The following ANKRD45 variants were observed in gnomAD, a reference collection of about 807,000 sequenced individuals.
The protein encoded by ANKRD45 is ankyrin repeat domain 45.
A neutral mutation model predicts 28.1 loss-of-function variants in ANKRD45; 21 were observed. The observed-to-expected ratio is 0.75, with a 90% confidence interval of 0.53 to 1.08. The LOEUF (loss-of-function observed/expected upper bound fraction) is 1.08. Ranked by LOEUF, ANKRD45 falls within the 50% of genes least tolerant of loss-of-function variation. The pLI is 0.00. For synonymous variants in ANKRD45, 86 were observed against 103.9 expected (o/e 0.83, Z 1.05); for missense variants, 261 against 308.7 (o/e 0.85, Z 1.16).
At chr1:173,652,002 C>T (rs577009342) in intron 2 of ANKRD45, among the ~76,000 whole-genome samples, 11 of 152,208 alleles carry the variant, frequency 7.2e-5, no homozygotes, top group Admixed American at 2.0e-4. Flanking sequence ...GGGGCTGAAA[C>T]GATGGGGTTT....
At chr1:173,613,400 G>T (rs896242805) in intron 5 of ANKRD45, among the ~76,000 whole-genome samples, 4 of 150,544 alleles carry the variant, frequency 2.7e-5, no homozygotes, top group African/African-American at 9.8e-5. Context: ...CCTGGCAGCT[G>T]CCCCGTCTGG....
intron 2 of ANKRD45, among the ~76,000 whole-genome samples, chr1:173,651,735 T>C (rs1451182697): frequency 6.6e-6 from 1 of 152,226 alleles, no homozygotes; most frequent in African/African-American, 2.4e-5. Context: ...GAGCATGGAA[T>C]GTTCTTCCAT....
chr1:173,702,566 G>C, the ANKRD45 span, among the ~76,000 whole-genome samples: 1 of 152,060 alleles, frequency 6.6e-6, no homozygotes, highest in Non-Finnish European at 1.5e-5. Flanking sequence ...AGCTTTAGGT[G>C]AATGTGGCAA....
At chr1:173,620,572 G>T (rs1174551126) in intron 5 of ANKRD45, among the ~76,000 whole-genome samples, 1 of 152,014 alleles carries the variant, frequency 6.6e-6, no homozygotes, top group East Asian at 1.9e-4. Context: ...GACACAGGAA[G>T]GGGAACATCA....
chr1:173,677,984 A>G, the ANKRD45 span, among the ~76,000 whole-genome samples: 3 of 152,220 alleles, frequency 2.0e-5, no homozygotes, highest in Admixed American at 2.0e-4. Context: ...GGCCACAACA[A>G]ACAGAACTGT....
chr1:173,713,899 G>A, the ANKRD45 span, among the ~76,000 whole-genome samples: 1 of 152,076 alleles, frequency 6.6e-6, no homozygotes. Context: ...TTTTCCACTC[G>A]ATGTTGTGTA....
chr1:173,710,017 T>G, the ANKRD45 span, among the ~76,000 whole-genome samples: 1 of 152,220 alleles, frequency 6.6e-6, no homozygotes, highest in African/African-American at 2.4e-5. Context: ...AATTTTATAC[T>G]GTCTGTCTCC....
the ANKRD45 span, among the ~76,000 whole-genome samples, chr1:173,704,025 T>C: frequency 6.6e-6 from 1 of 152,224 alleles, no homozygotes; most frequent in African/African-American, 2.4e-5. Flanking sequence ...CAGGGTTATG[T>C]TGTAACTTAA....
At chr1:173,615,679 T>C (rs1229639057) in intron 5 of ANKRD45, among the ~76,000 whole-genome samples, 1 of 152,204 alleles carries the variant, frequency 6.6e-6, no homozygotes, top group Non-Finnish European at 1.5e-5. Flanking sequence ...GAAATCAGTT[T>C]ATAACTCAGC....
the ANKRD45 span, among the ~76,000 whole-genome samples, chr1:173,691,220 T>C: frequency 1.6e-4 from 25 of 152,208 alleles, no homozygotes; most frequent in African/African-American, 6.0e-4. Flanking sequence ...TTAAGCTAGG[T>C]TGCTGGCCAG....
At chr1:173,613,918 T>A (rs1249155278) in intron 5 of ANKRD45, among the ~76,000 whole-genome samples, 1 of 152,260 alleles carries the variant, frequency 6.6e-6, no homozygotes, top group Non-Finnish European at 1.5e-5. Context: ...CATTTTGTTC[T>A]GTACTAAGAA....
intron 5 of ANKRD45, chr1:173,612,747 C>T (rs953628124): frequency 1.7e-4 from 27 of 155,966 alleles, no homozygotes; most frequent in African/African-American, 6.0e-4. Context: ...CGCGCCGCCA[C>T]GCCTGACTGG....
intron 4 of ANKRD45, among the ~76,000 whole-genome samples, chr1:173,626,597 C>T (rs1376065612): frequency 6.6e-6 from 1 of 152,158 alleles, no homozygotes. Flanking sequence ...ACTATTAATA[C>T]AGCTTCTGTC....
In ANKRD45 at chr1:173,609,993, G is replaced by C; in HGVS notation, c.*152C>G. On this transcript the variant is annotated 3_prime_UTR_variant, in exon 6 of 6. Transcript: ENST00000333279. The stretch of plus-strand genomic sequence containing the variant: ...AGGCGAGGCCAGAGTCCGGACATAA[G>C]CATGCTGAACAGGTCAAACAAAACA... 1 of 743,886 alleles carries C rather than the reference G, an allele frequency of 1.3e-6. No homozygotes were observed. Among genetic ancestry groups the C allele is most frequent in the Non-Finnish European group, 2.2e-6 (1 of 450,614 alleles). The allele number at this position is 743,886 out of a possible 1,614,324, so 46.1% of individuals were successfully genotyped here.
rs141015272 is a variant in ANKRD45, at chr1:173,659,122, A to G, written c.297T>C (p.Tyr99=). The G allele has an allele frequency of 3.7e-5, 60 of 1,614,110 alleles. No homozygotes were observed. In the Middle Eastern group the frequency reaches 1.2e-3, roughly 31 times the overall value. Residue 99 remains tyrosine, a synonymous_variant, in exon 2 of 6, where the codon TAT becomes TAC. Transcript: ENST00000333279. ...TGGTTTTTTCATTCAGATTCACACC[A>G]TATTTTGCCAAAGCTCTAATCACGT... The part of the protein sequence containing the change: ...QSDVIRALAK[Y]GVNLNEKTTR...
the ANKRD45 span, among the ~76,000 whole-genome samples, chr1:173,704,880 C>A: frequency 3.9e-5 from 6 of 152,298 alleles, no homozygotes; most frequent in South Asian, 1.2e-3. Flanking sequence ...AGAAGCAGGG[C>A]AGAGGGAGAA....
At chr1:173,613,843 G>A (rs1667341163) in intron 5 of ANKRD45, among the ~76,000 whole-genome samples, 1 of 152,232 alleles carries the variant, frequency 6.6e-6, no homozygotes, top group Non-Finnish European at 1.5e-5. Context: ...GAAAGGTGGG[G>A]AAAAGATAGA....
intron 4 of ANKRD45, among the ~76,000 whole-genome samples, 162 bp downstream of exon 4, chr1:173,626,903 T>G (rs1667963598): frequency 6.6e-6 from 1 of 151,972 alleles, no homozygotes; most frequent in South Asian, 2.1e-4. Flanking sequence ...TATTAGAAGT[T>G]TATAAAGAAA....
chr1:173,712,459 G>A, the ANKRD45 span, among the ~76,000 whole-genome samples: 2 of 152,214 alleles, frequency 1.3e-5, no homozygotes, highest in African/African-American at 2.4e-5. Flanking sequence ...CCTACCTCGA[G>A]AGGACTAGTG....
Sources: gnomAD v4.1 joint callset for allele counts (sites outside exome capture counted in the v4.1 genomes callset) on GRCh38, gnomAD v4.1.1 for gene constraint, MANE v1.5 for transcripts, NCBI Gene and HGNC (gene_info 2026-07-23, HGNC 2026-07-21) for gene names.